Variants in TPPP observed in about 807,000 individuals in gnomAD.
TPPP encodes tubulin polymerization-promoting protein.
A neutral mutation model predicts 15.5 loss-of-function variants in TPPP; 6 were observed. The ratio of observed to expected loss-of-function variants is 0.39; its 90% CI spans 0.21 to 0.77. TPPP has a LOEUF of 0.77. TPPP is among the 30% of genes least tolerant of loss of function. The pLI is 0.42. For missense variants in TPPP, 269 were observed against 307.2 expected, an observed-to-expected ratio of 0.88 and a Z score of 0.93; for synonymous variants, 146 against 133.9, an observed-to-expected ratio of 1.09 and a Z score of -0.63.
chr5:694,458 A>C (rs1420451638), upstream of TPPP, among the ~76,000 whole-genome samples: 1 of 124,678 alleles, frequency 8.0e-6, no homozygotes, highest in Non-Finnish European at 1.9e-5. Context: ...CAGGCCCTGG[A>C]ATCCGCAAAG....
At chr5:681,229 C>T (rs1740612409) in intron 1 of TPPP, among the ~76,000 whole-genome samples, 1 of 152,178 alleles carries the variant, frequency 6.6e-6, no homozygotes, top group African/African-American at 2.4e-5. Flanking sequence ...ACCCTCACAC[C>T]ATTTCCCCCA....
intron 1 of TPPP, among the ~76,000 whole-genome samples, chr5:679,003 GA>G (rs1246322220): frequency 6.6e-6 from 1 of 152,134 alleles, no homozygotes; most frequent in Non-Finnish European, 1.5e-5. Flanking sequence ...AAGGGGCCTG[GA>G]CACCAGGTGG....
chr5:665,968 ACCGTCACC>A lies in TPPP; in HGVS notation c.459_465+1del, dbSNP rs1739890650. The A allele has an allele frequency of 7.9e-7, 1 of 1,259,626 alleles. No individual in the cohort carries two copies. The highest frequency in any genetic ancestry group is 2.0e-5 in the African/African-American group (1 of 49,364). The allele number at this position is 1,259,626 out of a possible 1,614,324, so 78.0% of individuals were successfully genotyped here. On this transcript the variant is annotated splice_donor_variant and coding_sequence_variant, in exon 3 of 4. Transcript: ENST00000360578. LOFTEE classifies it high-confidence loss of function. ...CCCGCCTTCCATCCCCGCCCTGCTC[ACCGTCACC>A]CCTGAGATGATGGGCGCCTTGCCCT...
In TPPP at chr5:665,231, C is replaced by T. The variant is rs752731826; in HGVS notation, c.531G>A (p.Lys177=). ...CCTTGCCAGAGGGGTCGAAGCGCTC[C>T]TTGTGGGAGCCCGTGAACTTGGTGG... ...TDTTKFTGSH[K]ERFDPSGKGK... is the part of the protein sequence containing the mutation. The change falls in exon 4 of 4, where the codon AAG becomes AAA. Residue 177 remains lysine, a synonymous_variant. Coordinates refer to ENST00000360578, the MANE Select transcript of TPPP (RefSeq NM_007030.3). 3 of 1,613,914 alleles carry T rather than the reference C, an allele frequency of 1.9e-6. No individual in the cohort carries two copies. Among genetic ancestry groups the T allele is most frequent in the Admixed American group, 3.3e-5 (2 of 60,012 alleles).
At chr5:691,752 C>T (rs1740875087) in intron 1 of TPPP, among the ~76,000 whole-genome samples, 1 of 69,708 alleles carries the variant, frequency 1.4e-5, no homozygotes, top group South Asian at 6.6e-4. Flanking sequence ...CCCCCAACCC[C>T]CATCAAAACA....
At chr5:692,819 G>A in intron 1 of TPPP, 1 of 950,688 alleles carries the variant, frequency 1.1e-6, no homozygotes, top group Non-Finnish European at 1.3e-6. Flanking sequence ...ACCTGCTGCG[G>A]GCAGTGACTT....
chr5:671,417 C>T (rs868839027), intron 2 of TPPP, among the ~76,000 whole-genome samples: 13 of 152,284 alleles, frequency 8.5e-5, no homozygotes, highest in African/African-American at 2.4e-4. Context: ...ACCCCAGTCT[C>T]GGCCTGGGCA....
chr5:694,174 T>G (rs1740975172), upstream of TPPP, among the ~76,000 whole-genome samples: 1 of 151,206 alleles, frequency 6.6e-6, no homozygotes, highest in African/African-American at 2.4e-5. Context: ...CAGACAGGCT[T>G]TGCGGAGGGG....
intron 1 of TPPP, among the ~76,000 whole-genome samples, chr5:679,372 G>A (rs1163317421): frequency 6.8e-6 from 1 of 147,568 alleles, no homozygotes; most frequent in African/African-American, 2.7e-5. Context: ...GCAGGGGCAG[G>A]ATCCTGGTGG....
At chr5:674,089 G>A (rs539272814) in intron 2 of TPPP, among the ~76,000 whole-genome samples, 1 of 152,386 alleles carries the variant, frequency 6.6e-6, no homozygotes, top group East Asian at 1.9e-4. Context: ...CTGCAGGGCT[G>A]ACGGCCCCTG....
intron 2 of TPPP, among the ~76,000 whole-genome samples, chr5:672,798 T>C (rs1740269473): frequency 1.3e-5 from 2 of 152,256 alleles, no homozygotes; most frequent in South Asian, 4.1e-4. Context: ...CACCGCACGC[T>C]CTTTGCAGGA....
chr5:667,606 G>A (rs896202245), intron 2 of TPPP, among the ~76,000 whole-genome samples: 3 of 152,154 alleles, frequency 2.0e-5, no homozygotes, highest in Non-Finnish European at 2.9e-5. Flanking sequence ...AGAAGACACC[G>A]TTAAGGGAAT....
At chr5:692,879 C>T (rs1740929418) in intron 1 of TPPP, 1 of 955,138 alleles carries the variant, frequency 1.0e-6, no homozygotes, top group Admixed American at 6.3e-5. Flanking sequence ...CCGGCGGCCC[C>T]CTAGGCCTGG....
At chr5:668,266 C>CT (rs746505250) in intron 2 of TPPP, among the ~76,000 whole-genome samples, 4,618 of 42,654 alleles carry the variant, frequency 0.11, 1,031 homozygotes, top group African/African-American at 0.48. Context: ...GACAAGCACA[C>CT]GGAGAGGGGT....
intron 1 of TPPP, among the ~76,000 whole-genome samples, chr5:680,930 C>T (rs992981559): frequency 1.3e-5 from 2 of 152,234 alleles, no homozygotes; most frequent in Non-Finnish European, 2.9e-5. Flanking sequence ...GAGCAGGACA[C>T]GGGCCACAGA....
chr5:669,267 G>A (rs535336317), intron 2 of TPPP, among the ~76,000 whole-genome samples: 3 of 138,670 alleles, frequency 2.2e-5, no homozygotes, highest in Non-Finnish European at 3.2e-5. Context: ...ATCCCCCAGG[G>A]GGCGCTGGTG....
chr5:700,414 A>G, the TPPP span, among the ~76,000 whole-genome samples: 1 of 152,010 alleles, frequency 6.6e-6, no homozygotes, highest in Non-Finnish European at 1.5e-5. Context: ...GGAGTGGAAT[A>G]AGATGACACT....
At position 665,278 on chromosome 5, in the gene TPPP, T is replaced by C. The variant is rs1739848700; in HGVS notation, c.484A>G (p.Thr162Ala). The C allele has an allele frequency of 6.2e-7, 1 of 1,613,060 alleles. No individual in the cohort carries two copies. The highest frequency in any genetic ancestry group is 8.5e-7 in the Non-Finnish European group (1 of 1,179,756). ...GTGGTGTCCGTGAGCCTCGACACTG[T>C]GGGCGACGAGATGGCTTTCTGCAAG... ...SGVTKAISSP[T>A]VSRLTDTTKF... Residue 162 changes from threonine to alanine, a missense_variant, in exon 4 of 4, where the codon ACA becomes GCA. By Grantham distance (58) the Thr-to-Ala change is moderately conservative. Transcript: ENST00000360578.
chr5:672,516 G>A (rs1033428259), intron 2 of TPPP, among the ~76,000 whole-genome samples: 1 of 152,244 alleles, frequency 6.6e-6, no homozygotes, highest in African/African-American at 2.4e-5. Context: ...CATCGGCTGG[G>A]TGCCCCCACC....
Sources: allele counts gnomAD v4.1 joint callset (sites outside exome capture counted in the v4.1 genomes callset), GRCh38; gene constraint gnomAD v4.1.1; transcripts MANE v1.5; gene names NCBI Gene and HGNC (gene_info 2026-07-23, HGNC 2026-07-21).